ANKRD44: variants seen among roughly 807,000 people sequenced by gnomAD.
ANKRD44 encodes the protein ankyrin repeat domain 44.
Under a neutral mutation model 116.0 loss-of-function variants are expected in ANKRD44, and 35 were observed. The ratio of observed to expected loss-of-function variants is 0.30; its 90% CI spans 0.23 to 0.40. The LOEUF (loss-of-function observed/expected upper bound fraction) is 0.40, where lower values mean the gene tolerates loss of function less well. Ranked by LOEUF, ANKRD44 falls within the 10% of genes least tolerant of loss-of-function variation. The pLI, the probability that ANKRD44 is intolerant of heterozygous loss-of-function variation, is 1.00. For synonymous variants in ANKRD44, 435 were observed against 461.8 expected (o/e 0.94, Z 0.74); for missense variants, 1,014 against 1,242.6 (o/e 0.82, Z 2.77).
At chr2:197,175,119 G>A (rs1481751661) in intron 2 of ANKRD44, among the ~76,000 whole-genome samples, 2 of 152,134 alleles carry the variant, frequency 1.3e-5, no homozygotes, top group African/African-American at 4.8e-5. Context: ...GTCTATTACT[G>A]AAAGATGAGG....
chr2:196,995,558 G>C, intron 25 of ANKRD44, 97 bp from the exon 26 acceptor site: 1 of 922,244 alleles, frequency 1.1e-6, no homozygotes, highest in South Asian at 1.6e-5. Flanking sequence ...AATGAATGTC[G>C]TCTGCCTAAG....
intron 17 of ANKRD44, among the ~76,000 whole-genome samples, chr2:197,024,494 C>A (rs1409651294): frequency 6.6e-6 from 1 of 152,202 alleles, no homozygotes; most frequent in African/African-American, 2.4e-5. Flanking sequence ...TAGCAACTCA[C>A]AATCTGAGAC....
chr2:197,010,587 T>C (rs1248284754), intron 18 of ANKRD44, among the ~76,000 whole-genome samples: 1 of 152,196 alleles, frequency 6.6e-6, no homozygotes, highest in East Asian at 1.9e-4. Flanking sequence ...GAAGCAAACC[T>C]GTGATGATAA....
intron 1 of ANKRD44, among the ~76,000 whole-genome samples, chr2:197,219,283 T>C (rs77658542): frequency 6.6e-6 from 1 of 152,148 alleles, no homozygotes; most frequent in Non-Finnish European, 1.5e-5. Context: ...TTGGCCAGGA[T>C]GGTCTTGATC....
intron 3 of ANKRD44, among the ~76,000 whole-genome samples, chr2:197,143,197 TTTTTA>T (rs1559099174): frequency 6.7e-6 from 1 of 149,692 alleles, no homozygotes; most frequent in African/African-American, 2.4e-5. Flanking sequence ...TTTATTTATT[TTTTTA>T]TTTTATTATT....
chr2:197,099,031 C>T (rs1167756902), intron 10 of ANKRD44, among the ~76,000 whole-genome samples: 1 of 152,046 alleles, frequency 6.6e-6, no homozygotes, highest in Non-Finnish European at 1.5e-5. Flanking sequence ...TTCCTCCCTG[C>T]TTGGGATGGT....
chr2:197,003,645 C>G (rs2076152401), intron 21 of ANKRD44, among the ~76,000 whole-genome samples: 1 of 152,158 alleles, frequency 6.6e-6, no homozygotes, highest in Non-Finnish European at 1.5e-5. Flanking sequence ...CCTCCCCTGC[C>G]TGTACCTGGA....
chr2:197,083,771 C>A (rs187300600), intron 13 of ANKRD44, among the ~76,000 whole-genome samples: 1 of 152,178 alleles, frequency 6.6e-6, no homozygotes, highest in Non-Finnish European at 1.5e-5. Context: ...GCATTTCCTT[C>A]GAACATTTTG....
At chr2:197,020,495 C>T (rs887573901) in intron 17 of ANKRD44, among the ~76,000 whole-genome samples, 1 of 151,940 alleles carries the variant, frequency 6.6e-6, no homozygotes, top group Non-Finnish European at 1.5e-5. Context: ...TAATGATAGC[C>T]GATGAGCTTA....
intron 16 of ANKRD44, among the ~76,000 whole-genome samples, chr2:197,063,674 G>A (rs913123400): frequency 1.5e-4 from 23 of 152,316 alleles, no homozygotes; most frequent in Admixed American, 6.5e-4. Context: ...TTCAGTAGCC[G>A]ATTCGATCAA....
intron 16 of ANKRD44, among the ~76,000 whole-genome samples, chr2:197,041,770 C>T (rs140686799): frequency 1.8e-3 from 271 of 152,262 alleles, no homozygotes; most frequent in Middle Eastern, 0.01. Context: ...GCAGACCCCT[C>T]TCTCCTTCTC....
At chr2:197,116,269 G>A (rs2078705399) in intron 8 of ANKRD44, among the ~76,000 whole-genome samples, 1 of 152,164 alleles carries the variant, frequency 6.6e-6, no homozygotes, top group Non-Finnish European at 1.5e-5. Flanking sequence ...AAAATGAAGT[G>A]CATCAGACAA....
chr2:197,288,231 C>T (rs535406548), intron 1 of ANKRD44, among the ~76,000 whole-genome samples: 12 of 152,228 alleles, frequency 7.9e-5, no homozygotes, highest in African/African-American at 2.6e-4. Flanking sequence ...AGCTATTCAA[C>T]CAGTTGCACA....
rs542049389 is a variant in ANKRD44, at chr2:197,093,221, A to G, written c.1101-3189T>C. Among the ~76,000 whole-genome samples, 9 of 152,262 alleles carry G rather than the reference A, an allele frequency of 5.9e-5. 1 individual carries two copies. In the South Asian group the frequency reaches 1.9e-3, roughly 32 times the overall value. On this transcript the variant is annotated intron_variant, in intron 10 of 27. Coordinates refer to ENST00000282272, the MANE Select transcript of ANKRD44 (RefSeq NM_001195144.2). Reference sequence around the variant, plus strand: ...CATATGTATCTTTATGTAAAATAATACAAGCAAATGAATTTGAGGAAATAG... The same window carrying G: ...CATATGTATCTTTATGTAAAATAATGCAAGCAAATGAATTTGAGGAAATAG...
chr2:197,015,678 T>C (rs2076378017), intron 17 of ANKRD44: 1 of 547,058 alleles, frequency 1.8e-6, no homozygotes, highest in African/African-American at 1.9e-5. Flanking sequence ...GAGGTGATGG[T>C]GGGTGTAATG....
At chr2:197,045,360 G>A (rs1559017066) in intron 16 of ANKRD44, among the ~76,000 whole-genome samples, 1 of 152,070 alleles carries the variant, frequency 6.6e-6, no homozygotes, top group Non-Finnish European at 1.5e-5. Flanking sequence ...TTTTTAACAG[G>A]ACCAACCACT....
chr2:197,007,910 G>A lies in ANKRD44; in HGVS notation c.2026C>T (p.Leu676Phe), dbSNP rs775989103. The A allele has an allele frequency of 6.8e-6, 11 of 1,613,396 alleles. 1 individual carries two copies. In the South Asian group the frequency reaches 1.1e-4, roughly 16 times the overall value. The change falls in exon 20 of 28, where the codon CTT (leucine) becomes TTT (phenylalanine). Residue 676 changes from leucine to phenylalanine, a missense_variant. Transcript: ENST00000282272. The stretch of plus-strand genomic sequence containing the variant: ...TCAATATGTCCATATGCTACTGCAA[G>A]CATCAGTGGTGTTCTAGGCAGAGAG... ...KDAKGQTPLM[L>F]AVAYGHIDAV...
chr2:197,194,123 C>G (rs2080891360), intron 1 of ANKRD44, among the ~76,000 whole-genome samples: 1 of 152,004 alleles, frequency 6.6e-6, no homozygotes, highest in Non-Finnish European at 1.5e-5. Context: ...GATTATAACC[C>G]ACTCAACACC....
intron 17 of ANKRD44, chr2:197,015,290 T>C (rs538427800): frequency 9.7e-6 from 4 of 410,964 alleles, no homozygotes; most frequent in Admixed American, 3.0e-5. Flanking sequence ...TTAAAGAAGA[T>C]ATAGAGGAAT....
Sources: gnomAD v4.1 joint callset for allele counts (sites outside exome capture counted in the v4.1 genomes callset) on GRCh38, gnomAD v4.1.1 for gene constraint, MANE v1.5 for transcripts, NCBI Gene and HGNC (gene_info 2026-07-23, HGNC 2026-07-21) for gene names.